Variants in PITPNB observed in about 807,000 individuals in gnomAD.
The protein encoded by PITPNB is phosphatidylinositol transfer protein beta, also known as phosphatidylinositol transfer protein beta isoform.
In PITPNB, 16 loss-of-function variants were observed where a neutral mutation model predicts 45.9. The ratio of observed to expected loss-of-function variants is 0.35; its 90% CI spans 0.24 to 0.53. The LOEUF is 0.53. Ranked by LOEUF, PITPNB falls within the 20% of genes least tolerant of loss-of-function variation. The pLI, the probability that PITPNB is intolerant of heterozygous loss-of-function variation, is 0.93. For synonymous variants in PITPNB, 112 were observed against 108.9 expected, an observed-to-expected ratio of 1.03 and a Z score of -0.18; for missense variants, 188 against 330.5, an observed-to-expected ratio of 0.57 and a Z score of 3.34.
Position 27,894,600 on chromosome 22 carries a change from T to C in PITPNB, c.411A>G (p.Glu137=), listed in dbSNP as rs1304322066. ...TATCTGCAATATCTATATGGACAAT[T>C]TCAACAGTTTTCCATGTGTTTGGAT... ...GLDPNTWKTV[E]IVHIDIADRS... The change falls in exon 7 of 12, where the codon GAA becomes GAG. Residue 137 remains glutamate, a synonymous_variant. Coordinates refer to ENST00000335272, the MANE Select transcript of PITPNB (RefSeq NM_012399.5). 5 of 1,606,470 alleles carry C rather than the reference T, an allele frequency of 3.1e-6. No individual in the cohort carries two copies. The highest frequency in any genetic ancestry group is 2.6e-6 in the Non-Finnish European group (3 of 1,173,734).
intron 8 of PITPNB, among the ~76,000 whole-genome samples, chr22:27,872,571 T>C (rs539289052): frequency 6.6e-6 from 1 of 152,220 alleles, no homozygotes; most frequent in Admixed American, 6.5e-5. Flanking sequence ...TCATTTTTCC[T>C]TTTAGTTGAT....
chr22:27,900,614 A>G (rs1417723697), intron 3 of PITPNB, among the ~76,000 whole-genome samples: 2 of 152,198 alleles, frequency 1.3e-5, no homozygotes, highest in Non-Finnish European at 2.9e-5. Flanking sequence ...TCTCTCCTCA[A>G]TGAATCTAAG....
intron 7 of PITPNB, among the ~76,000 whole-genome samples, chr22:27,875,752 G>C (rs1473553048): frequency 1.3e-5 from 2 of 152,128 alleles, no homozygotes; most frequent in South Asian, 4.1e-4. Flanking sequence ...TAGCACACCA[G>C]ACGTTATTAG....
intron 7 of PITPNB, among the ~76,000 whole-genome samples, chr22:27,881,462 C>T (rs934229507): frequency 4.6e-5 from 7 of 152,248 alleles, no homozygotes; most frequent in Middle Eastern, 3.4e-3. Context: ...CAGAAATGAA[C>T]GTCTAGGTTC....
chr22:27,858,170 A>G (rs2146346399), intron 10 of PITPNB, among the ~76,000 whole-genome samples: 2 of 152,196 alleles, frequency 1.3e-5, no homozygotes, highest in East Asian at 3.9e-4. Context: ...GACTGAGAAA[A>G]CTCTAGTCTA....
chr22:27,895,406 A>T (rs1042536553), intron 6 of PITPNB, among the ~76,000 whole-genome samples: 1 of 152,102 alleles, frequency 6.6e-6, no homozygotes, highest in African/African-American at 2.4e-5. Context: ...CCTGGCCAAC[A>T]TGGTGAAACT....
At chr22:27,887,603 A>G (rs948170389) in intron 7 of PITPNB, among the ~76,000 whole-genome samples, 2 of 151,030 alleles carry the variant, frequency 1.3e-5, no homozygotes, top group Non-Finnish European at 3.0e-5. Flanking sequence ...CATGGGGTGC[A>G]GCCCCACCCC....
intron 7 of PITPNB, among the ~76,000 whole-genome samples, chr22:27,879,580 ATATAT>A (rs541946494): frequency 8.5e-5 from 13 of 152,286 alleles, no homozygotes; most frequent in East Asian, 7.7e-4. Context: ...GTATATGTTT[ATATAT>A]TATAACACTT....
At chr22:27,868,294 T>C (rs1376548363) in intron 8 of PITPNB, among the ~76,000 whole-genome samples, 1 of 152,208 alleles carries the variant, frequency 6.6e-6, no homozygotes, top group Non-Finnish European at 1.5e-5. Flanking sequence ...TGCCACTCTC[T>C]ATCTCAAAAG....
chr22:27,877,493 C>A (rs1934853010), intron 7 of PITPNB, among the ~76,000 whole-genome samples: 1 of 152,204 alleles, frequency 6.6e-6, no homozygotes, highest in South Asian at 2.1e-4. Flanking sequence ...AGAATACACT[C>A]ATTAATTTCT....
intron 1 of PITPNB, among the ~76,000 whole-genome samples, chr22:27,915,421 C>T (rs1258639642): frequency 1.3e-5 from 2 of 151,694 alleles, no homozygotes; most frequent in East Asian, 1.9e-4. Flanking sequence ...CTTTCTTATT[C>T]GTAAGTATGA....
At chr22:27,887,182 T>A (rs1461831463) in intron 7 of PITPNB, among the ~76,000 whole-genome samples, 1 of 152,214 alleles carries the variant, frequency 6.6e-6, no homozygotes, top group African/African-American at 2.4e-5. Context: ...ATTCTACATG[T>A]GAGGTGTTAC....
chr22:27,876,952 C>T (rs1234413505), intron 7 of PITPNB, among the ~76,000 whole-genome samples: 1 of 152,184 alleles, frequency 6.6e-6, no homozygotes, highest in Non-Finnish European at 1.5e-5. Context: ...GACTTCTCAT[C>T]TCATTAGTTC....
At chr22:27,914,296 G>A in intron 2 of PITPNB, 21 bp downstream of exon 2, 1 of 1,540,498 alleles carries the variant, frequency 6.5e-7, no homozygotes, top group Non-Finnish European at 9.0e-7. Flanking sequence ...ATAAAATGAT[G>A]CAGAAGCAAG....
intron 3 of PITPNB, among the ~76,000 whole-genome samples, chr22:27,899,579 T>C (rs889479772): frequency 6.6e-6 from 1 of 152,142 alleles, no homozygotes; most frequent in Non-Finnish European, 1.5e-5. Context: ...CGCCTTGGCC[T>C]CCCAAAGTGC....
At chr22:27,893,321 G>C (rs940910708) in intron 7 of PITPNB, among the ~76,000 whole-genome samples, 4 of 147,310 alleles carry the variant, frequency 2.7e-5, no homozygotes, top group Non-Finnish European at 5.9e-5. Context: ...GTCTCGCTCT[G>C]TTGTCCAGGC....
intron 8 of PITPNB, among the ~76,000 whole-genome samples, chr22:27,866,953 C>G: frequency 6.6e-6 from 1 of 152,156 alleles, no homozygotes. Flanking sequence ...AAATTTCAAG[C>G]AGAACCCCAT....
rs764631574 is a variant in PITPNB, at chr22:27,854,442, G to T, written c.*38+412C>A. Among the ~76,000 whole-genome samples the T allele has an allele frequency of 6.6e-3, 1,004 of 152,270 alleles. 7 individuals are homozygous for T. The highest frequency in any genetic ancestry group is 0.011 in the Non-Finnish European group (778 of 68,026). On this transcript the variant is annotated intron_variant, in intron 11 of 11. Coordinates refer to ENST00000335272, the MANE Select transcript of PITPNB (RefSeq NM_012399.5). ...TATTGCAGCCAAAATAAATTATTGA[G>T]GTTGGCTCGTATGGTATGGGATAGA...
At position 27,852,738 on chromosome 22, in the gene PITPNB, C is replaced by T. The variant is rs1260886102; in HGVS notation, c.*964G>A. ...CCAAGCTGTAGTTACAGAAAACTGTCATCTTCAAAACAAGACTCCATGAAG... is the reference window on the plus strand; with the variant it reads ...CCAAGCTGTAGTTACAGAAAACTGTTATCTTCAAAACAAGACTCCATGAAG... On this transcript the variant is annotated 3_prime_UTR_variant, in exon 12 of 12. Transcript: ENST00000335272. 1 of 152,594 alleles carries T rather than the reference C, an allele frequency of 6.6e-6. No individual in the cohort carries two copies. Among genetic ancestry groups the T allele is most frequent in the Non-Finnish European group, 1.5e-5 (1 of 68,036 alleles). The allele number at this position is 152,594 out of a possible 1,614,324, so 9.5% of individuals were successfully genotyped here. A position where few individuals can be genotyped will look rare whatever the true frequency, so the allele number is the denominator to read the frequency against.
Sources: allele counts gnomAD v4.1 joint callset (sites outside exome capture counted in the v4.1 genomes callset), GRCh38; gene constraint gnomAD v4.1.1; transcripts MANE v1.5; gene names NCBI Gene and HGNC (gene_info 2026-07-23, HGNC 2026-07-21).